Variants in PTPRE observed in about 807,000 individuals in gnomAD.
The protein encoded by PTPRE is receptor-type tyrosine-protein phosphatase epsilon.
In PTPRE, 51 loss-of-function variants were observed where a neutral mutation model predicts 102.0. The observed-to-expected ratio is 0.50, with a 90% CI of 0.40 to 0.63. PTPRE has a LOEUF of 0.63. Among genes scored for constraint, PTPRE ranks in the 30% least tolerant of loss-of-function variants. The pLI, the probability that PTPRE is intolerant of heterozygous loss-of-function variation, is 0.00. For synonymous variants in PTPRE, 345 were observed against 348.2 expected, an observed-to-expected ratio of 0.99 and a Z score of 0.10; for missense variants, 752 against 915.1, an observed-to-expected ratio of 0.82 and a Z score of 2.30.
intron 1 of PTPRE, among the ~76,000 whole-genome samples, chr10:127,915,039 G>A (rs542942212): frequency 7.9e-5 from 12 of 152,276 alleles, no homozygotes; most frequent in African/African-American, 2.9e-4. Context: ...TATTAAATTC[G>A]AGGATTTATA....
chr10:128,082,046 T>C (rs972638257), intron 20 of PTPRE, among the ~76,000 whole-genome samples: 3 of 152,214 alleles, frequency 2.0e-5, no homozygotes, highest in African/African-American at 7.2e-5. Flanking sequence ...CCCAGGGGTC[T>C]GGGAGGACCA....
intron 1 of PTPRE, among the ~76,000 whole-genome samples, chr10:127,978,231 A>G: frequency 6.6e-6 from 1 of 152,070 alleles, no homozygotes; most frequent in South Asian, 2.1e-4. Flanking sequence ...AAAACAAAAC[A>G]AAAACAAAAA....
At chr10:127,937,262 G>A (rs908220637) in intron 1 of PTPRE, among the ~76,000 whole-genome samples, 3 of 152,112 alleles carry the variant, frequency 2.0e-5, no homozygotes, top group Non-Finnish European at 2.9e-5. Context: ...AAGAAAAAAA[G>A]GGCATCTCTT....
chr10:127,987,906 G>A (rs1382541210), intron 2 of PTPRE, among the ~76,000 whole-genome samples: 1 of 152,228 alleles, frequency 6.6e-6, no homozygotes, highest in Non-Finnish European at 1.5e-5. Flanking sequence ...CAATGAGCAG[G>A]TCTTCAAGGA....
At chr10:128,072,309 T>A in intron 16 of PTPRE, 95 bp downstream of exon 16, 1 of 1,157,760 alleles carries the variant, frequency 8.6e-7, no homozygotes, top group Non-Finnish European at 1.2e-6. Flanking sequence ...GAGAAAGAAT[T>A]GACATGTTTC....
At chr10:127,951,283 G>T (rs1250589656) in intron 1 of PTPRE, among the ~76,000 whole-genome samples, 4 of 152,090 alleles carry the variant, frequency 2.6e-5, no homozygotes, top group Non-Finnish European at 5.9e-5. Flanking sequence ...AGGAGAGGCT[G>T]GGTTCCCTCC....
intron 5 of PTPRE, 112 bp downstream of exon 5, chr10:128,047,949 C>G (rs1348830747): frequency 1.9e-6 from 2 of 1,044,658 alleles, no homozygotes; most frequent in Admixed American, 2.8e-5. Flanking sequence ...GTGTGCCTTG[C>G]CACTTTCATC....
At chr10:127,960,846 C>T (rs7915632) in intron 1 of PTPRE, among the ~76,000 whole-genome samples, 81,847 of 151,628 alleles carry the variant, frequency 0.54, 22,546 homozygotes, top group African/African-American at 0.65. Context: ...GGTGAAACCC[C>T]GTCTCTACTA....
intron 2 of PTPRE, among the ~76,000 whole-genome samples, chr10:127,989,310 C>T (rs140955979): frequency 7.2e-4 from 109 of 152,288 alleles, no homozygotes; most frequent in Middle Eastern, 3.4e-3. Flanking sequence ...AGGATTTGCT[C>T]TATTTCCTGT....
At chr10:128,007,741 G>A (rs1199282938) in intron 2 of PTPRE, among the ~76,000 whole-genome samples, 4 of 152,214 alleles carry the variant, frequency 2.6e-5, no homozygotes, top group Non-Finnish European at 5.9e-5. Flanking sequence ...GTGCACAGCT[G>A]GAAGGCAGGC....
At chr10:127,966,799 A>G (rs573249504) in intron 1 of PTPRE, among the ~76,000 whole-genome samples, 58 of 152,258 alleles carry the variant, frequency 3.8e-4, no homozygotes, top group African/African-American at 1.2e-3. Context: ...ACATTTTTTG[A>G]CCACGACACC....
At chr10:127,951,928 T>C (rs547085420) in intron 1 of PTPRE, among the ~76,000 whole-genome samples, 1 of 152,364 alleles carries the variant, frequency 6.6e-6, no homozygotes, top group South Asian at 2.1e-4. Context: ...GCAGCAGCTG[T>C]ACCAGTTGTG....
chr10:127,952,179 G>A (rs1564822781), intron 1 of PTPRE, among the ~76,000 whole-genome samples: 1 of 152,066 alleles, frequency 6.6e-6, no homozygotes, highest in Admixed American at 6.5e-5. Flanking sequence ...TATCACACTG[G>A]TCCACTATAT....
intron 3 of PTPRE, among the ~76,000 whole-genome samples, chr10:128,043,294 C>T (rs1175630045): frequency 2.6e-5 from 4 of 152,152 alleles, no homozygotes; most frequent in African/African-American, 9.7e-5. Context: ...ACTAGACGGC[C>T]CCTCTGGGGG....
rs1277658605 is a variant in PTPRE, at chr10:128,040,895, G to A, written c.14G>A (p.Cys5Tyr). The change falls in exon 3 of 21, where the codon TGT becomes TAT. Residue 5 changes from cysteine (C) to tyrosine (Y), a missense_variant. Physicochemically the swap from Cys to Tyr is radical, Grantham distance 194. Around this residue, in one of 2 missense-constraint regions of PTPRE, gnomAD observed 116 missense variants for 90.8 expected, o/e 1.28. Coordinates refer to ENST00000254667, the MANE Select transcript of PTPRE (RefSeq NM_006504.6). MEPL[C>Y]PLLLVGFSLP... Reference sequence around the variant, plus strand: ...TGCAGGTCCACCATGGAGCCCTTGTGTCCACTCCTGCTGGTGGGTTTTAGC... The same window carrying A: ...TGCAGGTCCACCATGGAGCCCTTGTATCCACTCCTGCTGGTGGGTTTTAGC... The A allele has an allele frequency of 6.2e-7, 1 of 1,613,872 alleles. No individual in the cohort carries two copies. Among genetic ancestry groups the A allele is most frequent in the Non-Finnish European group, 8.5e-7 (1 of 1,179,976 alleles).
chr10:127,909,833 T>A (rs572983801), intron 1 of PTPRE, among the ~76,000 whole-genome samples: 1 of 152,152 alleles, frequency 6.6e-6, no homozygotes, highest in Non-Finnish European at 1.5e-5. Context: ...GCGTGGATGT[T>A]GTATGGTTGA....
chr10:127,943,328 C>G (rs1848385150), intron 1 of PTPRE, among the ~76,000 whole-genome samples: 1 of 152,214 alleles, frequency 6.6e-6, no homozygotes, highest in Non-Finnish European at 1.5e-5. Context: ...GGCTGCCAGT[C>G]TCTCACACTC....
intron 1 of PTPRE, among the ~76,000 whole-genome samples, chr10:127,911,797 G>A (rs11018400): frequency 0.058 from 8,815 of 152,192 alleles, 355 homozygotes; most frequent in South Asian, 0.14. Flanking sequence ...TACATGTAGC[G>A]TGCTGCCAAT....
chr10:128,027,720 C>T (rs1477672890), intron 2 of PTPRE, among the ~76,000 whole-genome samples: 1 of 152,158 alleles, frequency 6.6e-6, no homozygotes, highest in Non-Finnish European at 1.5e-5. Flanking sequence ...AATGGATGGG[C>T]CTTGAAGAGC....
Sources: gnomAD v4.1 joint callset for allele counts (sites outside exome capture counted in the v4.1 genomes callset) on GRCh38, gnomAD v4.1.1 for gene constraint, gnomAD v4.1.1 regional missense constraint, MANE v1.5 for transcripts, NCBI Gene and HGNC (gene_info 2026-07-23, HGNC 2026-07-21) for gene names.